The following SENP7 variants were observed in gnomAD, a reference collection of about 807,000 sequenced individuals.
SENP7 encodes SUMO specific peptidase 7, also known as sentrin-specific protease 7.
Under a neutral mutation model 141.2 loss-of-function variants are expected in SENP7, and 64 were observed. The ratio of observed to expected loss-of-function variants is 0.45; its 90% CI spans 0.37 to 0.56. The LOEUF (loss-of-function observed/expected upper bound fraction) is 0.56, where lower values mean the gene tolerates loss of function less well. SENP7 is among the 20% of genes least tolerant of loss of function. The pLI is 0.00. For synonymous variants in SENP7, 382 were observed against 426.4 expected, an observed-to-expected ratio of 0.90 and a Z score of 1.28; for missense variants, 1,025 against 1,212.2, an observed-to-expected ratio of 0.85 and a Z score of 2.29.
In SENP7 at chr3:101,473,633, C is replaced by T. The variant is rs578190390; in HGVS notation, c.187-14581G>A. Among the ~76,000 whole-genome samples the T allele has an allele frequency of 7.2e-5, 11 of 152,156 alleles. No individual in the cohort carries two copies. In the South Asian group the frequency reaches 1.5e-3, roughly 20 times the overall value. The stretch of plus-strand genomic sequence containing the variant: ...AAGTTAATTATAGATGCAGTATATT[C>T]GACTTCTGTCAGATGCATAGTTTGC... On this transcript the variant is annotated intron_variant, in intron 3 of 23. Transcript: ENST00000394095.
chr3:101,507,850 A>G (rs984149309), intron 1 of SENP7, among the ~76,000 whole-genome samples: 4 of 152,000 alleles, frequency 2.6e-5, no homozygotes, highest in African/African-American at 4.8e-5. Context: ...AGAGATAGAG[A>G]CCATCCTAGC....
At chr3:101,344,991 CAAAAAAAAAAAAAAAAA>C (rs71132568) in intron 13 of SENP7, among the ~76,000 whole-genome samples, 3 of 61,342 alleles carry the variant, frequency 4.9e-5, no homozygotes, top group South Asian at 9.7e-4. Context: ...AAAAAGAAAG[CAAAAAAAAAAAAAAAAA>C]AAAAAAAAAG....
chr3:101,465,131 C>A (rs942218374), intron 3 of SENP7, among the ~76,000 whole-genome samples: 1 of 152,084 alleles, frequency 6.6e-6, no homozygotes, highest in Admixed American at 6.5e-5. Context: ...AAGACCCACA[C>A]ACACCATTAG....
intron 13 of SENP7, among the ~76,000 whole-genome samples, chr3:101,344,593 G>A (rs1430306626): frequency 6.6e-6 from 1 of 152,140 alleles, no homozygotes; most frequent in African/African-American, 2.4e-5. Flanking sequence ...TTTGATTGAT[G>A]TAGTTCTAAA....
chr3:101,365,857 G>C (rs1490376298), intron 9 of SENP7, among the ~76,000 whole-genome samples: 2 of 152,060 alleles, frequency 1.3e-5, no homozygotes, highest in Non-Finnish European at 2.9e-5. Flanking sequence ...AATGGATAAA[G>C]CCATGAGGAG....
At chr3:101,348,168 G>GAAT in intron 12 of SENP7, 117 bp from the exon 13 acceptor site, 1 of 648,320 alleles carries the variant, frequency 1.5e-6, no homozygotes, top group African/African-American at 1.9e-5. Flanking sequence ...GAATTATATA[G>GAAT]TTTTTTCAAA....
intron 4 of SENP7, among the ~76,000 whole-genome samples, chr3:101,430,748 C>G (rs1048723158): frequency 5.3e-5 from 8 of 152,090 alleles, no homozygotes; most frequent in Non-Finnish European, 1.0e-4. Context: ...TTTGCTCTTC[C>G]TTCTGTAGTT....
chr3:101,433,381 C>G (rs994160971), intron 4 of SENP7, among the ~76,000 whole-genome samples: 1 of 146,108 alleles, frequency 6.8e-6, no homozygotes, highest in Non-Finnish European at 1.5e-5. Context: ...ACAAAACAAT[C>G]AGAAAACAAT....
At chr3:101,405,576 G>C (rs1483295004) in intron 5 of SENP7, among the ~76,000 whole-genome samples, 1 of 152,060 alleles carries the variant, frequency 6.6e-6, no homozygotes, top group African/African-American at 2.4e-5. Flanking sequence ...AAACCAAGAA[G>C]AAATCCCTGA....
chr3:101,479,488 C>T (rs1372729775), intron 3 of SENP7, among the ~76,000 whole-genome samples: 1 of 152,006 alleles, frequency 6.6e-6, no homozygotes, highest in Non-Finnish European at 1.5e-5. Context: ...TGCCTGTAGT[C>T]CCAGCTACTT....
chr3:101,474,136 CT>C (rs1304721619), intron 3 of SENP7, among the ~76,000 whole-genome samples: 1 of 152,098 alleles, frequency 6.6e-6, no homozygotes, highest in Non-Finnish European at 1.5e-5. Flanking sequence ...ATGCCTCCAG[CT>C]TTGTTCTTTT....
rs556271175 is a variant in SENP7 at position 101,430,237 on chromosome 3, G to C, written c.285-12447C>G. Reference sequence around the variant, plus strand: ...AGGGAGATTTTCCTCTTTTTCTATCGATTGGAATAGTTTCAGAAGGAATGG... The same window carrying C: ...AGGGAGATTTTCCTCTTTTTCTATCCATTGGAATAGTTTCAGAAGGAATGG... On this transcript the variant is annotated intron_variant, in intron 4 of 23. Coordinates refer to ENST00000394095, the MANE Select transcript of SENP7 (RefSeq NM_020654.5). 6.8e-4 allele frequency among the ~76,000 whole-genome samples: 103 copies of C among 152,076 alleles called. 4 individuals are homozygous for C. Among genetic ancestry groups the C allele is most frequent in the Non-Finnish European group, 2.1e-4 (14 of 68,006 alleles).
At chr3:101,405,914 C>T (rs544072181) in intron 5 of SENP7, among the ~76,000 whole-genome samples, 1 of 152,166 alleles carries the variant, frequency 6.6e-6, no homozygotes, top group African/African-American at 2.4e-5. Flanking sequence ...AACAAAGCCT[C>T]CAAGAAGTCT....
chr3:101,476,549 C>A (rs2064226343), intron 3 of SENP7, among the ~76,000 whole-genome samples: 1 of 152,134 alleles, frequency 6.6e-6, no homozygotes, highest in East Asian at 1.9e-4. Context: ...AATGGTGCCA[C>A]AATAAACATA....
chr3:101,458,052 A>C (rs889960380), intron 4 of SENP7, among the ~76,000 whole-genome samples: 1 of 152,196 alleles, frequency 6.6e-6, no homozygotes, highest in African/African-American at 2.4e-5. Context: ...CTGAAAACTG[A>C]GTGTGTGCTT....
chr3:101,499,384 C>T (rs9856435), intron 2 of SENP7, among the ~76,000 whole-genome samples: 101,242 of 151,810 alleles, frequency 0.67, 34,075 homozygotes, highest in Admixed American at 0.74. Flanking sequence ...TAGGGGGCAG[C>T]GGGGGACAGA....
At chr3:101,428,178 G>A (rs1053770176) in intron 4 of SENP7, among the ~76,000 whole-genome samples, 2 of 152,202 alleles carry the variant, frequency 1.3e-5, no homozygotes, top group Non-Finnish European at 1.5e-5. Flanking sequence ...TGTCTTTACA[G>A]TAGAATGATC....
chr3:101,343,958 CA>C lies in SENP7; in HGVS notation c.1838-5del. The C allele has an allele frequency of 6.6e-7, 1 of 1,516,406 alleles. No individual in the cohort carries two copies. The highest frequency in any genetic ancestry group is 8.9e-7 in the Non-Finnish European group (1 of 1,127,150). 93.9% of individuals were successfully genotyped at this position (1,516,406 alleles called of 1,614,324 possible). On this transcript the variant is annotated splice_region_variant and splice_polypyrimidine_tract_variant and intron_variant, in intron 13 of 23. Transcript: ENST00000394095. ...AAAATGAATTCACTAGATTTTGCTACAAAAGGAAAAAATAATTTGTATCAAT... is the reference window on the plus strand; with the variant it reads ...AAAATGAATTCACTAGATTTTGCTACAAAGGAAAAAATAATTTGTATCAAT...
chr3:101,481,791 A>G (rs1249642106), intron 3 of SENP7, among the ~76,000 whole-genome samples: 1 of 152,198 alleles, frequency 6.6e-6, no homozygotes, highest in Non-Finnish European at 1.5e-5. Context: ...ACTTTTTAAA[A>G]AGATATGCTG....
Sources: allele counts gnomAD v4.1 joint callset (sites outside exome capture counted in the v4.1 genomes callset), GRCh38; gene constraint gnomAD v4.1.1; transcripts MANE v1.5; gene names NCBI Gene and HGNC (gene_info 2026-07-23, HGNC 2026-07-21).